The following CHD7 variants were observed in gnomAD, a reference collection of about 807,000 sequenced individuals.
CHD7 encodes the protein chromodomain helicase DNA binding protein 7, also known as ATP-dependent chromatin remodeler CHD7.
In CHD7, 24 loss-of-function variants were observed where a neutral mutation model predicts 307.3. The ratio of observed to expected loss-of-function variants is 0.08; its 90% CI spans 0.06 to 0.11. The LOEUF (loss-of-function observed/expected upper bound fraction) is 0.11. Among genes scored for constraint, CHD7 ranks in the 10% least tolerant of loss-of-function variants. CHD7 has a pLI of 1.00. For synonymous variants in CHD7, 1,363 were observed against 1,349.9 expected (o/e 1.01, Z -0.21); for missense variants, 3,106 against 3,727.1 (o/e 0.83, Z 4.34).
In CHD7 at chr8:60,842,123, A is replaced by G. The variant is rs1805002892; in HGVS notation, c.4850+71A>G. The G allele has an allele frequency of 1.9e-5, 24 of 1,285,424 alleles. No individual in the cohort carries two copies. The South Asian group carries it at 3.4e-4, about 18-fold the overall frequency. The allele number at this position is 1,285,424 out of a possible 1,614,324, so 79.6% of individuals were successfully genotyped here. ...GTTAGAATTCCCAACTGGTAGAGAA[A>G]AACTATATTTGTGTTTGAATTTGTG... On this transcript the variant is annotated intron_variant, in intron 21 of 37. Coordinates refer to ENST00000423902, the MANE Select transcript of CHD7 (RefSeq NM_017780.4).
intron 14 of CHD7, among the ~76,000 whole-genome samples, chr8:60,829,645 C>T (rs1804412828): frequency 6.6e-6 from 1 of 152,068 alleles, no homozygotes; most frequent in Non-Finnish European, 1.5e-5. Flanking sequence ...ATTTTATATG[C>T]TGTAAGAGTT....
intron 24 of CHD7, 33 bp from the exon 25 acceptor site, chr8:60,849,018 A>G (rs758952867): frequency 6.6e-7 from 1 of 1,510,614 alleles, no homozygotes; most frequent in Non-Finnish European, 9.2e-7. Context: ...TTCTTTTTTA[A>G]TACTAATATT....
At chr8:60,844,685 G>T (rs1402961253) in intron 21 of CHD7, among the ~76,000 whole-genome samples, 179 bp from the exon 22 acceptor site, 1 of 152,142 alleles carries the variant, frequency 6.6e-6, no homozygotes, top group Non-Finnish European at 1.5e-5. Flanking sequence ...TGAACTGAGG[G>T]GCAGCTTACT....
chr8:60,853,436 C>T lies in CHD7; in HGVS notation c.6711C>T (p.Ser2237=), dbSNP rs370385319. The change falls in exon 31 of 38, where the codon TCC becomes TCT. Residue 2237 remains serine (S), a synonymous_variant. Coordinates refer to ENST00000423902, the MANE Select transcript of CHD7 (RefSeq NM_017780.4). ...TGSKSISEKG[S]EEDEEEKLED... is the part of the protein sequence containing the mutation. ...CCAAATCTATTTCAGAGAAAGGTTC[C>T]GAAGAGGATGAAGAGGAAAAGCTGG... The T allele has an allele frequency of 2.2e-4, 336 of 1,521,062 alleles. No homozygotes were observed. Among genetic ancestry groups the T allele is most frequent in the South Asian group, 5.3e-4 (39 of 73,738 alleles). 94.2% of individuals were successfully genotyped at this position (1,521,062 alleles called of 1,614,324 possible). A position where few individuals can be genotyped will look rare whatever the true frequency, so the allele number is the denominator to read the frequency against.
rs537783383 is a variant in CHD7, at chr8:60,685,088, G to A, written c.-175+6006G>A. 2.0e-5 allele frequency among the ~76,000 whole-genome samples: 3 copies of A among 152,310 alleles called. No homozygotes were observed. In the East Asian group the frequency reaches 5.8e-4, roughly 29 times the overall value. On this transcript the variant is annotated intron_variant, in intron 1 of 37. Coordinates refer to ENST00000423902, the MANE Select transcript of CHD7 (RefSeq NM_017780.4). ...CTACTGATCCTATTCACAGAGGCAA[G>A]AATCAGATCTGCTGAAGATTTGAGA...
intron 26 of CHD7, 56 bp downstream of exon 26, chr8:60,850,678 G>C (rs1038675279): frequency 1.3e-6 from 2 of 1,545,080 alleles, no homozygotes; most frequent in East Asian, 4.8e-5. Context: ...ACATCTATTG[G>C]CAGGGTTCAG....
At chr8:60,854,227 A>C in intron 31 of CHD7, 136 bp from the exon 32 acceptor site, 2 of 680,744 alleles carry the variant, frequency 2.9e-6, no homozygotes, top group Non-Finnish European at 4.9e-6. Context: ...AACAGTGCCC[A>C]ATACCATTCT....
intron 2 of CHD7, among the ~76,000 whole-genome samples, chr8:60,743,588 C>T (rs1809171478): frequency 6.6e-6 from 1 of 152,188 alleles, no homozygotes; most frequent in African/African-American, 2.4e-5. Flanking sequence ...ATTTTACTAA[C>T]TGTTGACTTT....
chr8:60,790,452 T>A (rs1811717935), intron 3 of CHD7, among the ~76,000 whole-genome samples: 1 of 152,246 alleles, frequency 6.6e-6, no homozygotes, highest in Non-Finnish European at 1.5e-5. Flanking sequence ...GTTGGTTTTT[T>A]AAAAAATGCT....
chr8:60,727,280 C>A (rs1808215145), intron 1 of CHD7, among the ~76,000 whole-genome samples: 1 of 151,938 alleles, frequency 6.6e-6, no homozygotes, highest in African/African-American at 2.4e-5. Context: ...GCATTTGCCA[C>A]CCCTGCCCGG....
chr8:60,692,423 T>A (rs189264921), intron 1 of CHD7, among the ~76,000 whole-genome samples: 1 of 152,264 alleles, frequency 6.6e-6, no homozygotes, highest in East Asian at 1.9e-4. Flanking sequence ...AAATGGTACA[T>A]GTCTGCCAAA....
intron 3 of CHD7, among the ~76,000 whole-genome samples, chr8:60,787,833 T>C (rs1027541657): frequency 7.5e-5 from 11 of 147,462 alleles, no homozygotes; most frequent in Middle Eastern, 3.5e-3. Flanking sequence ...TTCTTTCTTT[T>C]TTTTTTTTTT....
rs982644614 is a variant in CHD7, at chr8:60,838,391, G to A, written c.4533+136G>A. On this transcript the variant is annotated intron_variant, in intron 19 of 37. Coordinates refer to ENST00000423902, the MANE Select transcript of CHD7 (RefSeq NM_017780.4). ...TCATTAACTCCCTGTGGAACCCCTG[G>A]CACATGAAGCTTTCTTTATGCTTTG... is the stretch of plus-strand genomic sequence containing the variant. 1.6e-5 allele frequency: 12 copies of A among 760,864 alleles called. No individual in the cohort carries two copies. In the Admixed American group the frequency reaches 2.3e-4, roughly 15 times the overall value. The allele number at this position is 760,864 out of a possible 1,614,324, so 47.1% of individuals were successfully genotyped here.
intron 25 of CHD7, 49 bp from the exon 26 acceptor site, chr8:60,850,444 C>A (rs201610771): frequency 1.3e-4 from 205 of 1,566,692 alleles, no homozygotes; most frequent in Non-Finnish European, 1.6e-4. Context: ...AGTGATGGGG[C>A]CTTTCTTTGT....
At chr8:60,858,666 G>A (rs1805827963) in intron 34 of CHD7, among the ~76,000 whole-genome samples, 1 of 152,166 alleles carries the variant, frequency 6.6e-6, no homozygotes, top group Non-Finnish European at 1.5e-5. Flanking sequence ...GGAGCACAAT[G>A]GCGCAGTCTC....
At chr8:60,809,894 A>G (rs2150727370) in intron 7 of CHD7, among the ~76,000 whole-genome samples, 1 of 152,236 alleles carries the variant, frequency 6.6e-6, no homozygotes, top group East Asian at 1.9e-4. Flanking sequence ...AGACTTAAAT[A>G]TGGTTGTGGT....
chr8:60,852,331 T>C (rs2150808301), intron 29 of CHD7, 84 bp downstream of exon 29: 3 of 1,369,850 alleles, frequency 2.2e-6, no homozygotes, highest in Non-Finnish European at 2.0e-6. Flanking sequence ...ACAGGACTCA[T>C]ATCAAAGGTA....
At chr8:60,726,008 T>C (rs1351093855) in intron 1 of CHD7, among the ~76,000 whole-genome samples, 1 of 152,202 alleles carries the variant, frequency 6.6e-6, no homozygotes, top group African/African-American at 2.4e-5. Flanking sequence ...GCATCAGAAG[T>C]ACACAAGTTT....
chr8:60,803,456 A>G (rs1460722840), intron 6 of CHD7, among the ~76,000 whole-genome samples: 1 of 152,166 alleles, frequency 6.6e-6, no homozygotes, highest in African/African-American at 2.4e-5. Flanking sequence ...CCCATGGTTT[A>G]GGAATAGATA....
Sources: allele counts gnomAD v4.1 joint callset (sites outside exome capture counted in the v4.1 genomes callset), GRCh38; gene constraint gnomAD v4.1.1; transcripts MANE v1.5; gene names NCBI Gene and HGNC (gene_info 2026-07-23, HGNC 2026-07-21).